ANKS1B: variants seen among roughly 807,000 people sequenced by gnomAD.
The protein encoded by ANKS1B is ankyrin repeat and sterile alpha motif domain containing 1B.
Under a neutral mutation model 148.3 loss-of-function variants are expected in ANKS1B, and 36 were observed. That is an observed-to-expected ratio of 0.24 (90% CI 0.19 to 0.32). The LOEUF is 0.32. ANKS1B is among the 10% of genes least tolerant of loss of function. The probability of loss-of-function intolerance (pLI) is 1.00; values close to 1 mark genes in which losing one functional copy is unlikely to be tolerated. For missense variants in ANKS1B, 1,157 were observed against 1,542.6 expected, an observed-to-expected ratio of 0.75 and a Z score of 4.19; for synonymous variants, 542 against 560.8, an observed-to-expected ratio of 0.97 and a Z score of 0.47.
At chr12:98,738,333 C>T (rs1231114608) in intron 9 of ANKS1B, among the ~76,000 whole-genome samples, 1 of 152,184 alleles carries the variant, frequency 6.6e-6, no homozygotes, top group Non-Finnish European at 1.5e-5. Context: ...ATAGAAAAAT[C>T]TGCCTCTGTA....
At chr12:99,737,640 C>T (rs983956387) in intron 8 of ANKS1B, among the ~76,000 whole-genome samples, 1 of 152,022 alleles carries the variant, frequency 6.6e-6, no homozygotes, top group Non-Finnish European at 1.5e-5. Flanking sequence ...GCCACCTCTA[C>T]AGCATCAACT....
At chr12:99,133,346 C>T (rs1295010767) in intron 15 of ANKS1B, among the ~76,000 whole-genome samples, 1 of 152,184 alleles carries the variant, frequency 6.6e-6, no homozygotes, top group African/African-American at 2.4e-5. Context: ...AGCCACCATG[C>T]CCAGCCAGCA....
At chr12:99,695,571 A>G (rs1430070391) in intron 8 of ANKS1B, among the ~76,000 whole-genome samples, 1 of 152,218 alleles carries the variant, frequency 6.6e-6, no homozygotes, top group African/African-American at 2.4e-5. Flanking sequence ...TGAAAGATTC[A>G]GATTTTTTTA....
chr12:98,748,971 A>C (rs2097987140), intron 26 of ANKS1B, among the ~76,000 whole-genome samples: 1 of 152,206 alleles, frequency 6.6e-6, no homozygotes, highest in Non-Finnish European at 1.5e-5. Context: ...AGCCTAATCA[A>C]TCTCAAAGAT....
At chr12:99,413,578 A>G (rs897718515) in intron 11 of ANKS1B, among the ~76,000 whole-genome samples, 32 of 152,194 alleles carry the variant, frequency 2.1e-4, no homozygotes, top group African/African-American at 7.7e-4. Context: ...ATAGTATCTA[A>G]TTCTGCTATG....
chr12:99,788,405 G>A (rs929605670), intron 4 of ANKS1B, among the ~76,000 whole-genome samples: 4 of 152,170 alleles, frequency 2.6e-5, no homozygotes, highest in African/African-American at 9.7e-5. Flanking sequence ...AAAGAACCCA[G>A]TCCTGGCAGG....
At chr12:99,078,382 G>T (rs1454005763) in intron 16 of ANKS1B, among the ~76,000 whole-genome samples, 1 of 152,074 alleles carries the variant, frequency 6.6e-6, no homozygotes, top group Non-Finnish European at 1.5e-5. Flanking sequence ...CTGTTTTATG[G>T]GATTACTGAT....
At chr12:98,851,095 C>A (rs924458149) in intron 17 of ANKS1B, among the ~76,000 whole-genome samples, 27 of 152,330 alleles carry the variant, frequency 1.8e-4, no homozygotes, top group African/African-American at 6.0e-4. Context: ...ATGGGAGCTA[C>A]AAACAATGCA....
chr12:99,549,865 T>C (rs867458678), intron 9 of ANKS1B, among the ~76,000 whole-genome samples: 42 of 152,262 alleles, frequency 2.8e-4, no homozygotes, highest in African/African-American at 9.1e-4. Context: ...GCTGGATAAG[T>C]CCCAGGCCTA....
intron 9 of ANKS1B, among the ~76,000 whole-genome samples, chr12:99,593,499 CA>C (rs2153261819): frequency 6.6e-6 from 1 of 152,150 alleles, no homozygotes; most frequent in South Asian, 2.1e-4. Flanking sequence ...TTCTCTGCAA[CA>C]AATAATACAC....
intron 9 of ANKS1B, among the ~76,000 whole-genome samples, chr12:99,576,815 A>G (rs1486887580): frequency 6.6e-6 from 1 of 151,920 alleles, no homozygotes. Context: ...TTACCTAGGT[A>G]TATTGGGTGA....
At chr12:99,300,207 G>A (rs1425258001) in intron 12 of ANKS1B, among the ~76,000 whole-genome samples, 1 of 152,078 alleles carries the variant, frequency 6.6e-6, no homozygotes, top group Non-Finnish European at 1.5e-5. Flanking sequence ...AATCCCCAAC[G>A]AATTAGGCCT....
At chr12:98,762,474 C>A (rs575389533) in intron 25 of ANKS1B, among the ~76,000 whole-genome samples, 4 of 152,332 alleles carry the variant, frequency 2.6e-5, no homozygotes, top group African/African-American at 7.2e-5. Flanking sequence ...CAGTCACCAC[C>A]AACGGGCTGC....
At chr12:99,664,812 A>T (rs1009978432) in intron 8 of ANKS1B, among the ~76,000 whole-genome samples, 1 of 152,142 alleles carries the variant, frequency 6.6e-6, no homozygotes, top group Non-Finnish European at 1.5e-5. Context: ...TTAACACTAA[A>T]CATCTGTTTA....
At position 98,786,261 on chromosome 12, in the gene ANKS1B, A is replaced by C. The variant is rs575146349; in HGVS notation, c.3343-4124T>G. ...AGATGTTACGTTTCTGAAATCTAAA[A>C]TACAATGCAACATTTGAATCCTAAA... On this transcript the variant is annotated intron_variant, in intron 22 of 26. Transcript: ENST00000683438. Among the ~76,000 whole-genome samples the C allele has an allele frequency of 3.9e-3, 600 of 152,348 alleles. 1 individual carries two copies. Among genetic ancestry groups the C allele is most frequent in the South Asian group, 7.0e-3 (34 of 4,828 alleles).
At chr12:99,598,126 T>C (rs11109937) in intron 9 of ANKS1B, among the ~76,000 whole-genome samples, 2,479 of 152,120 alleles carry the variant, frequency 0.016, 68 homozygotes, top group African/African-American at 0.057. Context: ...AGCTAATACA[T>C]TGCCACATTA....
At chr12:99,158,953 A>G (rs2076361066) in intron 14 of ANKS1B, among the ~76,000 whole-genome samples, 1 of 152,188 alleles carries the variant, frequency 6.6e-6, no homozygotes, top group Non-Finnish European at 1.5e-5. Flanking sequence ...CTGAGAGGTC[A>G]GGGGCTCCTT....
rs78220960 is a variant in ANKS1B at position 99,064,752 on chromosome 12, A to G, written c.2626-11443T>C. Among the ~76,000 whole-genome samples the G allele has an allele frequency of 4.0e-3, 616 of 152,326 alleles. 24 individuals carry two copies. The East Asian group carries it at 0.085, about 21-fold the overall frequency. ...ATCTGTGTGGGATGCAGATGAAAAG[A>G]CCAGTAGAGCCCTAACACAGTAGAC... On this transcript the variant is annotated intron_variant, in intron 16 of 26. Transcript: ENST00000683438.
At chr12:99,906,541 A>G (rs145893402) in intron 1 of ANKS1B, among the ~76,000 whole-genome samples, 7 of 152,320 alleles carry the variant, frequency 4.6e-5, no homozygotes, top group Non-Finnish European at 7.3e-5. Flanking sequence ...GTTTAGGCCA[A>G]TGGATTCAAG....
Sources: gnomAD v4.1 joint callset for allele counts (sites outside exome capture counted in the v4.1 genomes callset) on GRCh38, gnomAD v4.1.1 for gene constraint, MANE v1.5 for transcripts, NCBI Gene and HGNC (gene_info 2026-07-23, HGNC 2026-07-21) for gene names.